The following STMP1 variants were observed in gnomAD, a reference collection of about 807,000 sequenced individuals.
STMP1 encodes the protein mitolamban.
In STMP1, 7 loss-of-function variants were observed where a neutral mutation model predicts 7.0. The observed-to-expected ratio is 1.01, with a 90% CI of 0.57 to 1.89. STMP1 has a LOEUF of 1.89. STMP1 is among the 40% of genes most tolerant of loss of function. The probability of loss-of-function intolerance (pLI) is 0.00; values close to 1 mark genes in which losing one functional copy is unlikely to be tolerated. For missense variants in STMP1, 45 were observed against 53.0 expected, an observed-to-expected ratio of 0.85 and a Z score of 0.47; for synonymous variants, 19 against 18.4, an observed-to-expected ratio of 1.03 and a Z score of -0.08.
At chr7:135,672,969 T>A in intron 2 of STMP1, 163 bp downstream of exon 2, 1 of 637,214 alleles carries the variant, frequency 1.6e-6, no homozygotes, top group Non-Finnish European at 2.7e-6. Context: ...GAAAAAGTAA[T>A]CCAACTCATG....
intron 1 of STMP1, among the ~76,000 whole-genome samples, chr7:135,671,736 G>C (rs931521376): frequency 6.6e-6 from 1 of 152,190 alleles, no homozygotes; most frequent in African/African-American, 2.4e-5. Context: ...GACTGTACCT[G>C]TGGCAGAGTG....
intron 1 of STMP1, among the ~76,000 whole-genome samples, chr7:135,669,688 T>G (rs1047035929): frequency 6.6e-6 from 1 of 152,268 alleles, no homozygotes; most frequent in Non-Finnish European, 1.5e-5. Flanking sequence ...TAGCACTTTG[T>G]AATCTAAATG....
intron 1 of STMP1, among the ~76,000 whole-genome samples, chr7:135,669,164 GT>G (rs1280029993): frequency 6.6e-6 from 1 of 152,000 alleles, no homozygotes; most frequent in African/African-American, 2.4e-5. Context: ...TCATGATTCA[GT>G]TACCTCCCAC....
At chr7:135,673,665 G>A (rs946264580) in intron 2 of STMP1, among the ~76,000 whole-genome samples, 1 of 152,214 alleles carries the variant, frequency 6.6e-6, no homozygotes, top group African/African-American at 2.4e-5. Context: ...TTGGCCGGGT[G>A]CAGTGGCTCA....
chr7:135,670,910 G>C (rs1795349997), intron 1 of STMP1, among the ~76,000 whole-genome samples: 1 of 152,174 alleles, frequency 6.6e-6, no homozygotes, highest in Non-Finnish European at 1.5e-5. Flanking sequence ...TAAGTGTCTT[G>C]CTTTAGGCAC....
At chr7:135,662,657 C>G (rs1795246274) in intron 1 of STMP1, 63 bp downstream of exon 1, 2 of 1,521,116 alleles carry the variant, frequency 1.3e-6, no homozygotes, top group Non-Finnish European at 1.8e-6. Flanking sequence ...CCCATTTCCC[C>G]CTTGAGGATT....
chr7:135,672,072 C>T (rs972935884), intron 1 of STMP1, among the ~76,000 whole-genome samples: 16 of 152,258 alleles, frequency 1.1e-4, no homozygotes, highest in East Asian at 9.6e-4. Context: ...CTCTGCCTCC[C>T]GGTTTCAAGT....
chr7:135,675,461 A>G lies in STMP1; in HGVS notation c.*1296A>G, dbSNP rs1795403368. 6.6e-6 allele frequency: 1 copy of G among 151,802 alleles called. No individual in the cohort carries two copies. Among genetic ancestry groups the G allele is most frequent in the Admixed American group, 6.6e-5 (1 of 15,238 alleles). The allele number at this position is 151,802 out of a possible 1,614,324, so 9.4% of individuals were successfully genotyped here. A position where few individuals can be genotyped will look rare whatever the true frequency, so the allele number is the denominator to read the frequency against. ...TTTTTGGCTGCCTAAAATTTTTTTG[A>G]ATAGATATAACATAATTGATTTAAT... On this transcript the variant is annotated 3_prime_UTR_variant, in exon 3 of 3. Transcript: ENST00000507606.
intron 1 of STMP1, 124 bp downstream of exon 1, chr7:135,662,718 C>T (rs950614049): frequency 1.7e-6 from 2 of 1,168,996 alleles, no homozygotes; most frequent in African/African-American, 1.6e-5. Flanking sequence ...CCCTTCGTCC[C>T]CCGCGCCTGG....
intron 1 of STMP1, chr7:135,665,730 C>T (rs1380142485): frequency 6.6e-6 from 1 of 151,948 alleles, no homozygotes; most frequent in Non-Finnish European, 1.5e-5. Context: ...CAGTAAAAGA[C>T]ACCTCTTTGC....
At chr7:135,662,790 T>C (rs978270699) in intron 1 of STMP1, among the ~76,000 whole-genome samples, 196 bp downstream of exon 1, 9 of 152,350 alleles carry the variant, frequency 5.9e-5, no homozygotes, top group Admixed American at 5.9e-4. Flanking sequence ...TTGCCAATAT[T>C]TTTCTGCAGC....
intron 1 of STMP1, chr7:135,665,654 G>C (rs1205304865): frequency 1.3e-5 from 2 of 150,400 alleles, no homozygotes; most frequent in East Asian, 3.9e-4. Context: ...GGGCCATTCT[G>C]ATCTCTGTAT....
intron 1 of STMP1, among the ~76,000 whole-genome samples, chr7:135,666,561 C>G (rs976374352): frequency 6.6e-6 from 1 of 151,424 alleles, no homozygotes; most frequent in African/African-American, 2.4e-5. Context: ...AGGCTGGTCT[C>G]AAACTCCTGG....
intron 1 of STMP1, among the ~76,000 whole-genome samples, chr7:135,671,140 A>G (rs879340796): frequency 3.3e-5 from 5 of 152,234 alleles, no homozygotes; most frequent in Non-Finnish European, 5.9e-5. Context: ...CAACACTGGT[A>G]AAAGTAGGAT....
intron 1 of STMP1, among the ~76,000 whole-genome samples, chr7:135,666,510 G>A (rs145895045): frequency 0.018 from 2,787 of 151,780 alleles, 81 homozygotes; most frequent in African/African-American, 0.061. Context: ...CACCATCCCC[G>A]GCTAATTTTT....
intron 1 of STMP1, among the ~76,000 whole-genome samples, chr7:135,662,966 T>C (rs1159201126): frequency 6.6e-6 from 1 of 152,184 alleles, no homozygotes; most frequent in East Asian, 1.9e-4. Context: ...CCTGTTCCAT[T>C]ACATGGTCGC....
chr7:135,669,980 G>A (rs1448883231), intron 1 of STMP1, among the ~76,000 whole-genome samples: 1 of 152,140 alleles, frequency 6.6e-6, no homozygotes, highest in East Asian at 1.9e-4. Flanking sequence ...CTGACAATGC[G>A]ATTCTTCTGT....
chr7:135,673,691 C>T (rs999880066), intron 2 of STMP1, among the ~76,000 whole-genome samples: 2 of 152,182 alleles, frequency 1.3e-5, no homozygotes, highest in African/African-American at 4.8e-5. Flanking sequence ...GTAATCCTAG[C>T]ACTTTGGGAG....
rs951071351 is a variant in STMP1, at chr7:135,674,261, G to A, written c.*96G>A. The A allele has an allele frequency of 2.1e-6, 2 of 962,188 alleles. No homozygotes were observed. Among genetic ancestry groups the A allele is most frequent in the Non-Finnish European group, 3.1e-6 (2 of 650,370 alleles). 59.6% of individuals were successfully genotyped at this position (962,188 alleles called of 1,614,324 possible). On this transcript the variant is annotated 3_prime_UTR_variant, in exon 3 of 3. Transcript: ENST00000507606. ...CCAAAAGCTTTTGTTTTCGTCTCCA[G>A]CCTCAGCACTTCTCTTCTTTGCTAG...
Sources: allele counts gnomAD v4.1 joint callset (sites outside exome capture counted in the v4.1 genomes callset), GRCh38; gene constraint gnomAD v4.1.1; transcripts MANE v1.5; gene names NCBI Gene and HGNC (gene_info 2026-07-23, HGNC 2026-07-21).